The following PBX3 variants were observed in gnomAD, a reference collection of about 807,000 sequenced individuals.
PBX3 encodes pre-B-cell leukemia transcription factor 3.
PBX3 carries 14 observed loss-of-function variants against 48.5 expected under a neutral mutation model. The observed-to-expected ratio is 0.29, with a 90% CI of 0.19 to 0.45. PBX3 has a LOEUF of 0.45. Ranked by LOEUF, PBX3 falls within the 20% of genes least tolerant of loss-of-function variation. PBX3 has a pLI of 1.00. For missense variants in PBX3, 386 were observed against 546.7 expected (o/e 0.71, Z 2.93); for synonymous variants, 210 against 200.3 (o/e 1.05, Z -0.41).
intron 2 of PBX3, among the ~76,000 whole-genome samples, chr9:125,792,570 T>C (rs570114953): frequency 2.0e-4 from 31 of 152,304 alleles, no homozygotes; most frequent in African/African-American, 7.5e-4. Context: ...CCTTAGCTTA[T>C]AGCTCCCAGT....
At chr9:125,761,826 T>C (rs1836676539) in intron 2 of PBX3, among the ~76,000 whole-genome samples, 1 of 152,130 alleles carries the variant, frequency 6.6e-6, no homozygotes, top group South Asian at 2.1e-4. Context: ...TAGTTATTAG[T>C]ATAAAGAGGG....
chr9:125,756,616 CA>C (rs1243322645), intron 2 of PBX3, among the ~76,000 whole-genome samples: 1 of 152,116 alleles, frequency 6.6e-6, no homozygotes, highest in Non-Finnish European at 1.5e-5. Flanking sequence ...CCCAGTAAAC[CA>C]TATCTTCTCT....
intron 2 of PBX3, among the ~76,000 whole-genome samples, chr9:125,830,143 A>G (rs948408243): frequency 6.6e-6 from 1 of 152,150 alleles, no homozygotes; most frequent in Non-Finnish European, 1.5e-5. Context: ...CAAAAGCGTT[A>G]TTTTTTGCTA....
chr9:125,947,917 A>G (rs1039749394), intron 5 of PBX3, among the ~76,000 whole-genome samples: 3 of 152,244 alleles, frequency 2.0e-5, no homozygotes, highest in African/African-American at 7.2e-5. Context: ...AAACTTACAC[A>G]ATTTCAAAGA....
chr9:125,780,735 C>A (rs1240067703), intron 2 of PBX3, among the ~76,000 whole-genome samples: 1 of 107,514 alleles, frequency 9.3e-6, no homozygotes, highest in African/African-American at 3.7e-5. Flanking sequence ...TGACCCCCCC[C>A]ACCTCCCTCC....
At chr9:125,880,237 GT>G in intron 2 of PBX3, among the ~76,000 whole-genome samples, 1 of 152,272 alleles carries the variant, frequency 6.6e-6, no homozygotes, top group Admixed American at 6.5e-5. Context: ...TAGAGACAGG[GT>G]TTCACCATGT....
chr9:125,885,528 A>G (rs915196459), intron 2 of PBX3, among the ~76,000 whole-genome samples: 2 of 152,192 alleles, frequency 1.3e-5, no homozygotes, highest in African/African-American at 4.8e-5. Flanking sequence ...TGAAATAAGC[A>G]ACACATTCAT....
intron 3 of PBX3, among the ~76,000 whole-genome samples, chr9:125,924,441 A>G (rs536641187): frequency 6.6e-6 from 1 of 152,318 alleles, no homozygotes; most frequent in African/African-American, 2.4e-5. Flanking sequence ...GATAATTGTG[A>G]ATACTATTTT....
At chr9:125,957,004 A>G (rs1258074059) in intron 5 of PBX3, among the ~76,000 whole-genome samples, 2 of 151,874 alleles carry the variant, frequency 1.3e-5, no homozygotes, top group African/African-American at 4.8e-5. Flanking sequence ...AATTATATCC[A>G]TCTGTTTTTA....
chr9:125,921,597 T>A (rs1013856303), intron 3 of PBX3, among the ~76,000 whole-genome samples: 1 of 152,124 alleles, frequency 6.6e-6, no homozygotes, highest in Non-Finnish European at 1.5e-5. Context: ...ACCATGTAAT[T>A]AGGTAAGAAG....
intron 2 of PBX3, among the ~76,000 whole-genome samples, chr9:125,796,212 G>A (rs1837774653): frequency 6.6e-6 from 1 of 152,190 alleles, no homozygotes; most frequent in African/African-American, 2.4e-5. Flanking sequence ...ACAGAAAGTG[G>A]ATCTTCACCT....
Position 125,780,811 on chromosome 9 carries a change from C to T in PBX3, c.274+32188C>T, listed in dbSNP as rs573265786. Among the ~76,000 whole-genome samples the T allele has an allele frequency of 4.0e-3, 585 of 146,638 alleles. 2 individuals carry two copies. Among genetic ancestry groups the T allele is most frequent in the Middle Eastern group, 7.0e-3 (2 of 286 alleles). On this transcript the variant is annotated intron_variant, in intron 2 of 8. Coordinates refer to ENST00000373489, the MANE Select transcript of PBX3 (RefSeq NM_006195.6). The stretch of plus-strand genomic sequence containing the variant: ...CCTCCCTCCCGGACGGGGCGGCTGC[C>T]GGGCGGAGACGCTCCTCACTTCCCA...
intron 2 of PBX3, among the ~76,000 whole-genome samples, chr9:125,799,559 T>G (rs1047377769): frequency 6.6e-6 from 1 of 152,176 alleles, no homozygotes. Flanking sequence ...GTTGACTACT[T>G]AAGTGTGAAC....
chr9:125,813,882 C>T (rs1048698913), intron 2 of PBX3, among the ~76,000 whole-genome samples: 7 of 150,008 alleles, frequency 4.7e-5, no homozygotes, highest in Admixed American at 2.0e-4. Context: ...ACACGTATGT[C>T]GGCCGGGCAC....
chr9:125,855,791 T>A (rs999519920), intron 2 of PBX3, among the ~76,000 whole-genome samples: 2 of 152,154 alleles, frequency 1.3e-5, no homozygotes, highest in Non-Finnish European at 2.9e-5. Flanking sequence ...GTTTGTGCAA[T>A]ACCTTGTTCC....
intron 2 of PBX3, among the ~76,000 whole-genome samples, chr9:125,798,758 TA>T (rs1837855992): frequency 1.3e-5 from 2 of 152,120 alleles, no homozygotes; most frequent in African/African-American, 4.8e-5. Context: ...CTGTGGTAGG[TA>T]ATGGACTCTT....
intron 2 of PBX3, among the ~76,000 whole-genome samples, chr9:125,909,459 CT>C (rs1232043676): frequency 6.6e-6 from 1 of 152,210 alleles, no homozygotes; most frequent in Non-Finnish European, 1.5e-5. Context: ...ATAATCAATA[CT>C]TTTTTGATGG....
intron 2 of PBX3, among the ~76,000 whole-genome samples, chr9:125,786,472 G>A (rs539342099): frequency 3.3e-5 from 5 of 152,126 alleles, no homozygotes; most frequent in Admixed American, 2.0e-4. Context: ...ATTAGATAGC[G>A]ATTAGGAGGT....
At chr9:125,760,950 G>T (rs2131974610) in intron 2 of PBX3, among the ~76,000 whole-genome samples, 1 of 152,272 alleles carries the variant, frequency 6.6e-6, no homozygotes, top group Non-Finnish European at 1.5e-5. Context: ...GTATATGGAG[G>T]AAGTGCCATT....
Sources: allele counts gnomAD v4.1 joint callset (sites outside exome capture counted in the v4.1 genomes callset), GRCh38; gene constraint gnomAD v4.1.1; transcripts MANE v1.5; gene names NCBI Gene and HGNC (gene_info 2026-07-23, HGNC 2026-07-21).